Variants in TTC12 observed in about 807,000 individuals in gnomAD.
The protein encoded by TTC12 is tetratricopeptide repeat protein 12.
TTC12 carries 70 observed loss-of-function variants against 90.1 expected under a neutral mutation model. That is an observed-to-expected ratio of 0.78 (90% CI 0.64 to 0.95). TTC12 has a LOEUF of 0.95. Ranked by LOEUF, TTC12 falls within the 40% of genes least tolerant of loss-of-function variation. The probability of loss-of-function intolerance (pLI) is 0.00; values close to 1 mark genes in which losing one functional copy is unlikely to be tolerated. For synonymous variants in TTC12, 296 were observed against 311.5 expected (o/e 0.95, Z 0.53); for missense variants, 819 against 846.1 (o/e 0.97, Z 0.40).
chr11:113,352,812 C>T (rs1175061444), intron 16 of TTC12, among the ~76,000 whole-genome samples: 4 of 152,160 alleles, frequency 2.6e-5, no homozygotes, highest in Non-Finnish European at 4.4e-5. Context: ...TGTGGTATTC[C>T]GTGGTGTATA....
intron 7 of TTC12, among the ~76,000 whole-genome samples, chr11:113,332,231 G>T (rs1400933539): frequency 1.3e-5 from 2 of 152,208 alleles, no homozygotes; most frequent in Non-Finnish European, 2.9e-5. Flanking sequence ...TTCCTTTAAA[G>T]GGAAGCTGGG....
chr11:113,337,947 T>C (rs780869709), intron 8 of TTC12, among the ~76,000 whole-genome samples: 2 of 152,180 alleles, frequency 1.3e-5, no homozygotes, highest in Non-Finnish European at 2.9e-5. Context: ...CACTCTGATA[T>C]ATAGACTTCT....
intron 7 of TTC12, among the ~76,000 whole-genome samples, chr11:113,333,187 G>A (rs1948158825): frequency 6.6e-6 from 1 of 152,062 alleles, no homozygotes; most frequent in Admixed American, 6.6e-5. Context: ...GCTACCATAT[G>A]GTGTTGCCAT....
chr11:113,358,011 G>A (rs1949715033), intron 16 of TTC12, among the ~76,000 whole-genome samples: 2 of 152,228 alleles, frequency 1.3e-5, no homozygotes, highest in Non-Finnish European at 2.9e-5. Flanking sequence ...AACGCAGCTG[G>A]GGGAGAGGGT....
chr11:113,365,018 A>C lies in TTC12; in HGVS notation c.2000A>C (p.Asn667Thr), dbSNP rs781571770. Residue 667 changes from asparagine to threonine, a missense_variant, in exon 21 of 22, where the codon AAC (asparagine) becomes ACC (threonine). Transcript: ENST00000529221. The stretch of plus-strand genomic sequence containing the variant: ...ACACAGAAGACGGCCGTGCAGGTGA[A>C]CGCAGGCATTGCTCTGGGGAAGCTG... The part of the protein sequence containing the change: ...SDTQKTAVQV[N>T]AGIALGKLCT... 7 of 1,614,048 alleles carry C rather than the reference A, an allele frequency of 4.3e-6. No homozygotes were observed. Among genetic ancestry groups the C allele is most frequent in the Non-Finnish European group, 5.9e-6 (7 of 1,180,040 alleles).
At chr11:113,318,691 G>A (rs372890859) in intron 2 of TTC12, among the ~76,000 whole-genome samples, 32 of 152,332 alleles carry the variant, frequency 2.1e-4, no homozygotes, top group Middle Eastern at 3.4e-3. Context: ...TGTGAAGAGT[G>A]AGTCGGAGTT....
intron 2 of TTC12, among the ~76,000 whole-genome samples, chr11:113,318,177 A>G (rs184075731): frequency 6.6e-6 from 1 of 152,362 alleles, no homozygotes; most frequent in Non-Finnish European, 1.5e-5. Flanking sequence ...CATGGTATTA[A>G]TAGTCCAGTG....
intron 18 of TTC12, among the ~76,000 whole-genome samples, chr11:113,361,032 G>C (rs553787880): frequency 1.3e-4 from 20 of 152,182 alleles, no homozygotes; most frequent in South Asian, 2.1e-4. Context: ...GAGAGCTCTT[G>C]GGCCAGATTT....
At chr11:113,364,619 A>G in intron 20 of TTC12, 1 of 568,072 alleles carries the variant, frequency 1.8e-6, no homozygotes, top group Non-Finnish European at 3.2e-6. Context: ...GCACTGTTCT[A>G]GGAAGCGGAG....
rs561762486 is a variant in TTC12, at chr11:113,372,476, G to A, written c.*121-648G>A. Among the ~76,000 whole-genome samples, 6 of 152,286 alleles carry A rather than the reference G, an allele frequency of 3.9e-5. No homozygotes were observed. The South Asian group carries it at 1.0e-3, about 26-fold the overall frequency. On this transcript the variant is annotated intron_variant, in intron 21 of 21. Coordinates refer to the TTC12 transcript ENST00000314756. ...TCATTTGCTTAGTGTGTGTGCATAC[G>A]TGCATGCGTGTCTGTAGGGGGAGTA... is the stretch of plus-strand genomic sequence containing the variant.
intron 3 of TTC12, 34 bp from the exon 4 acceptor site, chr11:113,323,960 G>T (rs371227852): frequency 5.1e-6 from 8 of 1,581,556 alleles, no homozygotes; most frequent in Admixed American, 1.7e-5. Flanking sequence ...TTTGAAATTT[G>T]TTTCTTTGTT....
chr11:113,331,562 A>G (rs1045639499), intron 7 of TTC12, among the ~76,000 whole-genome samples: 2 of 152,210 alleles, frequency 1.3e-5, no homozygotes, highest in African/African-American at 2.4e-5. Context: ...CTCCACTGCA[A>G]CTTTAAACCC....
intron 2 of TTC12, among the ~76,000 whole-genome samples, chr11:113,320,062 AT>A (rs1414693327): frequency 6.6e-6 from 1 of 152,216 alleles, no homozygotes; most frequent in Admixed American, 6.5e-5. Flanking sequence ...TCAACAACAT[AT>A]TCCATAAAAA....
intron 12 of TTC12, 33 bp from the exon 13 acceptor site, chr11:113,344,239 A>C: frequency 6.3e-7 from 1 of 1,585,894 alleles, no homozygotes; most frequent in South Asian, 1.1e-5. Flanking sequence ...CCATGATGGC[A>C]TGCACAAGAC....
intron 6 of TTC12, among the ~76,000 whole-genome samples, chr11:113,326,824 C>A (rs1947723106): frequency 6.6e-6 from 1 of 152,142 alleles, no homozygotes; most frequent in Non-Finnish European, 1.5e-5. Flanking sequence ...GCAAAAACTG[C>A]CATATACTTT....
At position 113,366,244 on chromosome 11, in the gene TTC12, A is replaced by ATTG. The variant is rs1453970560; in HGVS notation, c.2062_2063insTTG (p.Lys688delinsIleGlu). ...TGACAGATTTGCTGCTCAACTGAGA[A>ATTG]AGCTTCATGGCCTAGAAATTCTCAA... On this transcript the variant is annotated protein_altering_variant, in exon 22 of 22. Transcript: ENST00000529221. 6 of 1,613,502 alleles carry ATTG rather than the reference A, an allele frequency of 3.7e-6. No individual in the cohort carries two copies. Among genetic ancestry groups the ATTG allele is most frequent in the Non-Finnish European group, 4.2e-6 (5 of 1,180,042 alleles).
chr11:113,323,006 T>C (rs1947436048), intron 2 of TTC12, among the ~76,000 whole-genome samples: 1 of 149,846 alleles, frequency 6.7e-6, no homozygotes, highest in South Asian at 2.1e-4. Flanking sequence ...ATCTAACTCA[T>C]AATGAGCTCT....
At chr11:113,368,555 G>A (rs1950288330), downstream of TTC12, 1 of 1,468,992 alleles carries the variant, frequency 6.8e-7, no homozygotes, top group East Asian at 2.5e-5. Context: ...TCACCATCCT[G>A]AAGCCACAGC....
In TTC12 at chr11:113,359,971, T is replaced by A; in HGVS notation, c.1577T>A (p.Leu526Gln). The A allele has an allele frequency of 6.2e-7, 1 of 1,600,510 alleles. No homozygotes were observed. The highest frequency in any genetic ancestry group is 2.2e-5 in the East Asian group (1 of 44,664). The change falls in exon 18 of 22, where the codon CTG (leucine) becomes CAG (glutamine). Residue 526 changes from leucine to glutamine, a missense_variant. Physicochemically the swap from Leu to Gln is moderately radical, Grantham distance 113. Transcript: ENST00000529221. ...GCTGTGGAGGTGAGCAGAAGGTGCCTGTCTTTACTAAACAGCCAGGATGGA... is the reference window on the plus strand; with the variant it reads ...GCTGTGGAGGTGAGCAGAAGGTGCCAGTCTTTACTAAACAGCCAGGATGGA... ...VWAVEVSRRC[L>Q]SLLNSQDGGI... is the part of the protein sequence containing the mutation.
Sources: allele counts gnomAD v4.1 joint callset (sites outside exome capture counted in the v4.1 genomes callset), GRCh38; gene constraint gnomAD v4.1.1; transcripts MANE v1.5; gene names NCBI Gene and HGNC (gene_info 2026-07-23, HGNC 2026-07-21).